Variants in P2RY1 observed in about 807,000 individuals in gnomAD.
The protein encoded by P2RY1 is purinergic receptor P2Y1.
In P2RY1, 14 loss-of-function variants were observed where a neutral mutation model predicts 22.8. That is an observed-to-expected ratio of 0.61 (90% confidence interval 0.41 to 0.96). The LOEUF (loss-of-function observed/expected upper bound fraction) is 0.96. Ranked by LOEUF, P2RY1 falls within the 40% of genes least tolerant of loss-of-function variation. The pLI is 0.00. For missense variants in P2RY1, 395 were observed against 470.3 expected (o/e 0.84, Z 1.48); for synonymous variants, 200 against 195.1 (o/e 1.03, Z -0.21).
At position 152,835,992 on chromosome 3, in the gene P2RY1, C is replaced by T. The variant is rs1716146193; in HGVS notation, c.210C>T (p.Ser70=). 1 of 1,614,206 alleles carries T rather than the reference C, an allele frequency of 6.2e-7. No homozygotes were observed. Among genetic ancestry groups the T allele is most frequent in the Non-Finnish European group, 8.5e-7 (1 of 1,180,020 alleles). The change falls in exon 1 of 1, where the codon AGC becomes AGT. Residue 70 remains serine (S), a synonymous_variant. Coordinates refer to ENST00000305097, the MANE Select transcript of P2RY1 (RefSeq NM_002563.5). ...TCATCATCGGCTTCCTGGGCAACAGCGTGGCCATCTGGATGTTCGTCTTCC... is the reference window on the plus strand; with the variant it reads ...TCATCATCGGCTTCCTGGGCAACAGTGTGGCCATCTGGATGTTCGTCTTCC... ...LVFIIGFLGN[S]VAIWMFVFHM...
In P2RY1 at chr3:152,839,169, A is replaced by G. The variant is rs2108028993; in HGVS notation, c.*2265A>G. On this transcript the variant is annotated 3_prime_UTR_variant, in exon 1 of 1. Transcript: ENST00000305097. ...GAACAGTAACTAGAAATGCTTGTTT[A>G]CTACTTGGCATGTTTTTTCCAAAGT... 6.6e-6 allele frequency: 1 copy of G among 152,338 alleles called. No individual in the cohort carries two copies. Among genetic ancestry groups the G allele is most frequent in the Admixed American group, 6.5e-5 (1 of 15,300 alleles). The allele number at this position is 152,338 out of a possible 1,614,324, so 9.4% of individuals were successfully genotyped here.
Position 152,839,139 on chromosome 3 carries a change from G to A in P2RY1, c.*2235G>A, listed in dbSNP as rs915588494. 3.3e-5 allele frequency: 5 copies of A among 152,042 alleles called. No individual in the cohort carries two copies. 9.4% of individuals were successfully genotyped at this position (152,042 alleles called of 1,614,324 possible). ...ATTTTGTGAGTGTGGATCCAGTGAG[G>A]AGGTGAACAGTAACTAGAAATGCTT... On this transcript the variant is annotated 3_prime_UTR_variant, in exon 1 of 1. Transcript: ENST00000305097.
chr3:152,835,922 C>T lies in P2RY1; in HGVS notation c.140C>T (p.Thr47Met). Residue 47 changes from threonine (T) to methionine (M), a missense_variant, in exon 1 of 1, where the codon ACG becomes ATG. Around this residue, in one of 3 missense-constraint regions of P2RY1, gnomAD observed 98 missense variants for 87.7 expected, o/e 1.12. Coordinates refer to ENST00000305097, the MANE Select transcript of P2RY1 (RefSeq NM_002563.5). ...TCGTTCAAATGCGCCTTGACCAAGA[C>T]GGGCTTCCAGTTTTACTACCTGCCG... Reference protein sequence around the residue: ...SSSFKCALTKTGFQFYYLPAV... With the variant: ...SSSFKCALTKMGFQFYYLPAV... 1 of 1,614,210 alleles carries T rather than the reference C, an allele frequency of 6.2e-7. No individual in the cohort carries two copies. Among genetic ancestry groups the T allele is most frequent in the Non-Finnish European group, 8.5e-7 (1 of 1,180,042 alleles).
In P2RY1 at chr3:152,838,508, T is replaced by C. The variant is rs1056809961; in HGVS notation, c.*1604T>C. 6.6e-6 allele frequency: 1 copy of C among 152,176 alleles called. No homozygotes were observed. Among genetic ancestry groups the C allele is most frequent in the Non-Finnish European group, 1.5e-5 (1 of 68,026 alleles). The allele number at this position is 152,176 out of a possible 1,614,324, so 9.4% of individuals were successfully genotyped here. A position where few individuals can be genotyped will look rare whatever the true frequency, so the allele number is the denominator to read the frequency against. On this transcript the variant is annotated 3_prime_UTR_variant, in exon 1 of 1. Coordinates refer to ENST00000305097, the MANE Select transcript of P2RY1 (RefSeq NM_002563.5). The stretch of plus-strand genomic sequence containing the variant: ...TGCAACTGATGGTGGCATAACTTGT[T>C]TGAAAGCACTTTACAAGTAGAGCAA...
Position 152,835,921 on chromosome 3 carries a change from A to G in P2RY1, c.139A>G (p.Thr47Ala), listed in dbSNP as rs1231724333. The change falls in exon 1 of 1, where the codon ACG becomes GCG. Residue 47 changes from threonine (T) to alanine (A), a missense_variant. Thr to Ala is a moderately conservative substitution (Grantham distance 58). This residue lies in a region of P2RY1 where 98 missense variants were observed against 87.7 expected (regional missense o/e 1.12). Coordinates refer to ENST00000305097, the MANE Select transcript of P2RY1 (RefSeq NM_002563.5). ...SSSFKCALTKTGFQFYYLPAV... is the reference protein window; with the variant it reads ...SSSFKCALTKAGFQFYYLPAV... Reference sequence around the variant, plus strand: ...GTCGTTCAAATGCGCCTTGACCAAGACGGGCTTCCAGTTTTACTACCTGCC... The same window carrying G: ...GTCGTTCAAATGCGCCTTGACCAAGGCGGGCTTCCAGTTTTACTACCTGCC... 1 of 1,614,174 alleles carries G rather than the reference A, an allele frequency of 6.2e-7. No individual in the cohort carries two copies.
In P2RY1 at chr3:152,840,334, GC is replaced by G. The variant is rs1180978988; in HGVS notation, c.*3432del. On this transcript the variant is annotated 3_prime_UTR_variant, in exon 1 of 1. Coordinates refer to ENST00000305097, the MANE Select transcript of P2RY1 (RefSeq NM_002563.5). ...TCCCTAGTAGTGCTTTTGCATGTTT[GC>G]CTTTTTATTTAAGTTTTTTTCTATA... is the stretch of plus-strand genomic sequence containing the variant. The G allele has an allele frequency of 2.6e-5, 4 of 152,024 alleles. No homozygotes were observed. The highest frequency in any genetic ancestry group is 9.7e-5 in the African/African-American group (4 of 41,402). The allele number at this position is 152,024 out of a possible 1,614,324, so 9.4% of individuals were successfully genotyped here.
rs1205841602 is a variant in P2RY1, at chr3:152,836,912, A to G, written c.*8A>G. 10 of 1,589,062 alleles carry G rather than the reference A, an allele frequency of 6.3e-6. No individual in the cohort carries two copies. In the East Asian group the frequency reaches 1.3e-4, roughly 21 times the overall value. On this transcript the variant is annotated 3_prime_UTR_variant, in exon 1 of 1. Coordinates refer to ENST00000305097, the MANE Select transcript of P2RY1 (RefSeq NM_002563.5). The surrounding 1 kb of genome is among the most constrained non-coding windows in gnomAD (Gnocchi z 5.6). ...GGAGATACAAGCCTGTGAAGGCACA[A>G]GAATCTCCAAACACCTCTCTGTTGT... is the stretch of plus-strand genomic sequence containing the variant.
In P2RY1 at chr3:152,837,989, T is replaced by C. The variant is rs1348296084; in HGVS notation, c.*1085T>C. ...TTTAGAATGAGGGCTTTAGTTTAAA[T>C]TAAAGTCATGGTGGAGAAGACTCTT... On this transcript the variant is annotated 3_prime_UTR_variant, in exon 1 of 1. Coordinates refer to ENST00000305097, the MANE Select transcript of P2RY1 (RefSeq NM_002563.5). 1.8e-5 allele frequency: 3 copies of C among 167,054 alleles called. No individual in the cohort carries two copies. Among genetic ancestry groups the C allele is most frequent in the African/African-American group, 4.8e-5 (2 of 41,446 alleles). 10.3% of individuals were successfully genotyped at this position (167,054 alleles called of 1,614,324 possible).
chr3:152,836,787 C>A lies in P2RY1; in HGVS notation c.1005C>A (p.Leu335=). ...FLAGDTFRRR[L]SRATRKASRR... is the part of the protein sequence containing the mutation. ...CGGGAGATACTTTCAGAAGGAGACT[C>A]TCCCGAGCCACAAGGAAAGCTTCTA... The change falls in exon 1 of 1, where the codon CTC becomes CTA. Residue 335 remains leucine, a synonymous_variant. Coordinates refer to ENST00000305097, the MANE Select transcript of P2RY1 (RefSeq NM_002563.5). The surrounding 1 kb of genome is among the most constrained non-coding windows in gnomAD (Gnocchi z 5.6). 6.2e-7 allele frequency: 1 copy of A among 1,613,934 alleles called. No homozygotes were observed. Among genetic ancestry groups the A allele is most frequent in the Non-Finnish European group, 8.5e-7 (1 of 1,180,018 alleles).
rs1716270277 is a variant in P2RY1 at position 152,840,435 on chromosome 3, T to C, written c.*3531T>C. ...ATATCTTAGCCAAATGGGGTCTGTA[T>C]TGTCTACATTTTATATATTAAATAA... On this transcript the variant is annotated 3_prime_UTR_variant, in exon 1 of 1. Coordinates refer to ENST00000305097, the MANE Select transcript of P2RY1 (RefSeq NM_002563.5). 6.6e-6 allele frequency: 1 copy of C among 152,192 alleles called. No homozygotes were observed. The allele number at this position is 152,192 out of a possible 1,614,324, so 9.4% of individuals were successfully genotyped here. A position where few individuals can be genotyped will look rare whatever the true frequency, so the allele number is the denominator to read the frequency against.
chr3:152,835,886 C>T lies in P2RY1; in HGVS notation c.104C>T (p.Ala35Val). 1 of 1,614,048 alleles carries T rather than the reference C, an allele frequency of 6.2e-7. No individual in the cohort carries two copies. The highest frequency in any genetic ancestry group is 8.5e-7 in the Non-Finnish European group (1 of 1,180,056). The change falls in exon 1 of 1, where the codon GCC becomes GTC. Residue 35 changes from alanine (A) to valine (V), a missense_variant. Transcript: ENST00000305097. ...WGNSTVASTA[A>V]VSSSFKCALT... ...AACAGCACGGTCGCCTCCACTGCCG[C>T]CGTCTCCTCGTCGTTCAAATGCGCC... is the stretch of plus-strand genomic sequence containing the variant.
At position 152,836,863 on chromosome 3, in the gene P2RY1, A is replaced by G; in HGVS notation, c.1081A>G (p.Ile361Val). 6.2e-7 allele frequency: 1 copy of G among 1,612,754 alleles called. No individual in the cohort carries two copies. The highest frequency in any genetic ancestry group is 8.5e-7 in the Non-Finnish European group (1 of 1,179,544). Residue 361 changes from isoleucine (I) to valine (V), a missense_variant, in exon 1 of 1, where the codon ATT becomes GTT. Around this residue, in one of 3 missense-constraint regions of P2RY1, gnomAD observed 291 missense variants for 361.6 expected, o/e 0.80. Coordinates refer to ENST00000305097, the MANE Select transcript of P2RY1 (RefSeq NM_002563.5). This position sits in a 1 kb window ranked among gnomAD's most constrained non-coding sequence, Gnocchi z 5.6. Reference sequence around the variant, plus strand: ...CAAGAGTGAAGACATGACCCTCAATATTTTACCTGAGTTCAAGCAGAATGG... The same window carrying G: ...CAAGAGTGAAGACATGACCCTCAATGTTTTACCTGAGTTCAAGCAGAATGG... ...QSKSEDMTLN[I>V]LPEFKQNGDT... is the part of the protein sequence containing the mutation.
Position 152,839,402 on chromosome 3 carries a change from T to C in P2RY1, c.*2498T>C, listed in dbSNP as rs978441672. 6.6e-6 allele frequency: 1 copy of C among 152,190 alleles called. No individual in the cohort carries two copies. The highest frequency in any genetic ancestry group is 2.4e-5 in the African/African-American group (1 of 41,458). 9.4% of individuals were successfully genotyped at this position (152,190 alleles called of 1,614,324 possible). ...TGATCAGGTCATATGATGATTGAAG[T>C]ATGTTTATTGTAAGGGCAGAAATGT... On this transcript the variant is annotated 3_prime_UTR_variant, in exon 1 of 1. Coordinates refer to ENST00000305097, the MANE Select transcript of P2RY1 (RefSeq NM_002563.5).
Position 152,836,235 on chromosome 3 carries a change from C to T in P2RY1, c.453C>T (p.Ser151=), listed in dbSNP as rs762164259. The T allele has an allele frequency of 2.5e-6, 4 of 1,613,980 alleles. No individual in the cohort carries two copies. The South Asian group carries it at 3.3e-5, about 13-fold the overall frequency. Residue 151 remains serine, a synonymous_variant, in exon 1 of 1, where the codon AGC becomes AGT. Coordinates refer to ENST00000305097, the MANE Select transcript of P2RY1 (RefSeq NM_002563.5). This position sits in a 1 kb window ranked among gnomAD's most constrained non-coding sequence, Gnocchi z 5.6. ...FLTCISAHRY[S]GVVYPLKSLG... ...CATGCATCAGTGCCCACCGGTACAG[C>T]GGTGTGGTGTACCCCCTCAAGTCCC... is the stretch of plus-strand genomic sequence containing the variant.
At position 152,839,148 on chromosome 3, in the gene P2RY1, A is replaced by C. The variant is rs936874120; in HGVS notation, c.*2244A>C. On this transcript the variant is annotated 3_prime_UTR_variant, in exon 1 of 1. Coordinates refer to ENST00000305097, the MANE Select transcript of P2RY1 (RefSeq NM_002563.5). ...GTGTGGATCCAGTGAGGAGGTGAAC[A>C]GTAACTAGAAATGCTTGTTTACTAC... is the stretch of plus-strand genomic sequence containing the variant. 6.6e-6 allele frequency: 1 copy of C among 152,130 alleles called. No homozygotes were observed. Among genetic ancestry groups the C allele is most frequent in the African/African-American group, 2.4e-5 (1 of 41,414 alleles). The allele number at this position is 152,130 out of a possible 1,614,324, so 9.4% of individuals were successfully genotyped here. A position where few individuals can be genotyped will look rare whatever the true frequency, so the allele number is the denominator to read the frequency against.
chr3:152,838,651 A>C lies in P2RY1; in HGVS notation c.*1747A>C, dbSNP rs1364008628. 3.3e-5 allele frequency: 5 copies of C among 152,164 alleles called. No individual in the cohort carries two copies. The highest frequency in any genetic ancestry group is 7.4e-5 in the Non-Finnish European group (5 of 68,022). The allele number at this position is 152,164 out of a possible 1,614,324, so 9.4% of individuals were successfully genotyped here. ...TGCCTATGTAGATTGAGGATTTGTG[A>C]GACCTTCAGAGTAGCTTCACTTTAC... On this transcript the variant is annotated 3_prime_UTR_variant, in exon 1 of 1. Transcript: ENST00000305097.
rs763229972 is a variant in P2RY1 at position 152,838,581 on chromosome 3, C to T, written c.*1677C>T. On this transcript the variant is annotated 3_prime_UTR_variant, in exon 1 of 1. Transcript: ENST00000305097. ...AGAAAGAACCTTAGTGCCCCGTGGA[C>T]CATAATGACAGGAAATTTTCAGGTC... The T allele has an allele frequency of 6.6e-5, 10 of 152,132 alleles. No homozygotes were observed. The highest frequency in any genetic ancestry group is 1.3e-4 in the Non-Finnish European group (9 of 68,030). The allele number at this position is 152,132 out of a possible 1,614,324, so 9.4% of individuals were successfully genotyped here. A position where few individuals can be genotyped will look rare whatever the true frequency, so the allele number is the denominator to read the frequency against.
At position 152,835,165 on chromosome 3, in the gene P2RY1, C is replaced by G. The variant is rs1328541199; in HGVS notation, c.-618C>G. The G allele has an allele frequency of 6.5e-6, 1 of 152,712 alleles. No homozygotes were observed. The highest frequency in any genetic ancestry group is 1.5e-5 in the Non-Finnish European group (1 of 68,444). The allele number at this position is 152,712 out of a possible 1,614,324, so 9.5% of individuals were successfully genotyped here. Reference sequence around the variant, plus strand: ...AGAGCTGGGCCTGGGGAAGGGGTTCCTGAACTACGCGGACGCCGAACGGGA... The same window carrying G: ...AGAGCTGGGCCTGGGGAAGGGGTTCGTGAACTACGCGGACGCCGAACGGGA... On this transcript the variant is annotated 5_prime_UTR_variant, in exon 1 of 1. Coordinates refer to ENST00000305097, the MANE Select transcript of P2RY1 (RefSeq NM_002563.5).
rs1054033729 is a variant in P2RY1 at position 152,838,796 on chromosome 3, C to G, written c.*1892C>G. 1 of 152,158 alleles carries G rather than the reference C, an allele frequency of 6.6e-6. No homozygotes were observed. The highest frequency in any genetic ancestry group is 1.5e-5 in the Non-Finnish European group (1 of 68,022). 9.4% of individuals were successfully genotyped at this position (152,158 alleles called of 1,614,324 possible). A position where few individuals can be genotyped will look rare whatever the true frequency, so the allele number is the denominator to read the frequency against. ...TATAGAAACCAAATCAAGAAGAAACCTACTACACCTCCTTATTTTGAGGAA... is the reference window on the plus strand; with the variant it reads ...TATAGAAACCAAATCAAGAAGAAACGTACTACACCTCCTTATTTTGAGGAA... On this transcript the variant is annotated 3_prime_UTR_variant, in exon 1 of 1. Coordinates refer to ENST00000305097, the MANE Select transcript of P2RY1 (RefSeq NM_002563.5).
Sources: allele counts gnomAD v4.1 joint callset, GRCh38; gene constraint gnomAD v4.1.1; regional missense constraint gnomAD v4.1.1; non-coding constraint Gnocchi (gnomAD v3.1); transcripts MANE v1.5; gene names NCBI Gene and HGNC (gene_info 2026-07-23, HGNC 2026-07-21).